PTPRD: variants seen among roughly 807,000 people sequenced by gnomAD.
PTPRD encodes protein tyrosine phosphatase receptor type D.
PTPRD carries 34 observed loss-of-function variants against 214.5 expected under a neutral mutation model. The observed-to-expected ratio is 0.16, with a 90% confidence interval of 0.12 to 0.21. PTPRD has a LOEUF of 0.21. PTPRD is among the 10% of genes least tolerant of loss of function. The pLI is 1.00. For synonymous variants in PTPRD, 1,128 were observed against 845.7 expected (o/e 1.33, Z -5.79); for missense variants, 2,545 against 2,398.7 (o/e 1.06, Z -1.27).
At chr9:10,226,880 T>C (rs2099590632) in intron 3 of PTPRD, among the ~76,000 whole-genome samples, 2 of 152,026 alleles carry the variant, frequency 1.3e-5, no homozygotes, top group Non-Finnish European at 1.5e-5. Flanking sequence ...TAATGGAAAA[T>C]GTTTTATAAT....
chr9:9,077,530 CT>C (rs2154417424), intron 10 of PTPRD, among the ~76,000 whole-genome samples: 1 of 152,146 alleles, frequency 6.6e-6, no homozygotes, highest in South Asian at 2.1e-4. Flanking sequence ...ATGCCAGAAT[CT>C]ATTACTCCTT....
At chr9:8,349,714 A>C (rs775502363) in intron 39 of PTPRD, among the ~76,000 whole-genome samples, 3 of 152,186 alleles carry the variant, frequency 2.0e-5, no homozygotes, top group Admixed American at 6.5e-5. Context: ...GGCCAGCACA[A>C]TTTAGTACAT....
intron 9 of PTPRD, among the ~76,000 whole-genome samples, chr9:9,334,140 G>A (rs369247791): frequency 2.2e-4 from 34 of 151,982 alleles, no homozygotes; most frequent in South Asian, 1.9e-3. Context: ...CATAGATCTC[G>A]TCATCAATTT....
At chr9:10,411,647 G>T (rs765785276) in intron 2 of PTPRD, among the ~76,000 whole-genome samples, 35 of 151,688 alleles carry the variant, frequency 2.3e-4, no homozygotes, top group Non-Finnish European at 3.7e-4. Context: ...TAAACAAATT[G>T]CTGTAGTCAT....
At chr9:8,972,812 C>A (rs1407002863) in intron 11 of PTPRD, among the ~76,000 whole-genome samples, 1 of 151,864 alleles carries the variant, frequency 6.6e-6, no homozygotes, top group African/African-American at 2.4e-5. Flanking sequence ...CCAAGGTTTG[C>A]AAGCTGTCCT....
chr9:10,401,057 T>G (rs778897062), intron 2 of PTPRD, among the ~76,000 whole-genome samples: 2 of 151,710 alleles, frequency 1.3e-5, no homozygotes, highest in African/African-American at 2.4e-5. Flanking sequence ...GATGTTTAAC[T>G]AGATATTAAA....
intron 35 of PTPRD, among the ~76,000 whole-genome samples, chr9:8,406,053 T>C (rs986749840): frequency 2.0e-5 from 3 of 152,160 alleles, no homozygotes; most frequent in African/African-American, 7.2e-5. Context: ...TTTCCTTTCT[T>C]AGCCTGTGTT....
At chr9:9,953,196 A>G (rs1486199700) in intron 4 of PTPRD, among the ~76,000 whole-genome samples, 1 of 152,154 alleles carries the variant, frequency 6.6e-6, no homozygotes, top group African/African-American at 2.4e-5. Flanking sequence ...TGTGGTTAAC[A>G]TTATCCTGGA....
rs920642907 is a variant in PTPRD, at chr9:9,344,565, G to A, written c.-203+52884C>T. Among the ~76,000 whole-genome samples, 139 of 152,028 alleles carry A rather than the reference G, an allele frequency of 9.1e-4. 1 individual carries two copies. Among genetic ancestry groups the A allele is most frequent in the Middle Eastern group, 3.4e-3 (1 of 294 alleles). ...GAATAAAGTATATATATATGCATTT[G>A]TGATACTTGTGTTCAGCCTGTATTC... On this transcript the variant is annotated intron_variant, in intron 9 of 45. Transcript: ENST00000381196.
At chr9:10,220,207 A>G (rs1442245217) in intron 3 of PTPRD, among the ~76,000 whole-genome samples, 1 of 151,904 alleles carries the variant, frequency 6.6e-6, no homozygotes, top group Admixed American at 6.6e-5. Context: ...AGTATAACAC[A>G]AAAGAATATT....
At chr9:10,104,012 C>A (rs2098598303) in intron 3 of PTPRD, among the ~76,000 whole-genome samples, 1 of 151,612 alleles carries the variant, frequency 6.6e-6, no homozygotes, top group African/African-American at 2.4e-5. Flanking sequence ...CTGACACATA[C>A]CACCATGTGT....
intron 2 of PTPRD, among the ~76,000 whole-genome samples, chr9:10,553,806 C>T (rs1182014676): frequency 2.0e-5 from 3 of 152,152 alleles, no homozygotes; most frequent in African/African-American, 7.2e-5. Context: ...TCCAGTTACA[C>T]AAATTAGTCA....
At chr9:9,315,423 A>G (rs1449427050) in intron 9 of PTPRD, among the ~76,000 whole-genome samples, 1 of 151,990 alleles carries the variant, frequency 6.6e-6, no homozygotes, top group Non-Finnish European at 1.5e-5. Flanking sequence ...CTTATCTAGG[A>G]TAATTAGGTT....
chr9:9,971,428 T>C (rs933080021), intron 4 of PTPRD, among the ~76,000 whole-genome samples: 3 of 152,154 alleles, frequency 2.0e-5, no homozygotes, highest in Admixed American at 6.5e-5. Flanking sequence ...TTATTTTAAT[T>C]TTATATTAAA....
At chr9:10,316,128 TAC>T (rs1356733968) in intron 3 of PTPRD, among the ~76,000 whole-genome samples, 5 of 144,134 alleles carry the variant, frequency 3.5e-5, no homozygotes, top group Non-Finnish European at 6.0e-5. Context: ...TATATATATA[TAC>T]ATATATACAC....
At chr9:9,103,274 T>C (rs1020943901) in intron 10 of PTPRD, among the ~76,000 whole-genome samples, 1 of 152,168 alleles carries the variant, frequency 6.6e-6, no homozygotes, top group Non-Finnish European at 1.5e-5. Context: ...AGTCACCTAA[T>C]GTCATTAGGA....
intron 2 of PTPRD, among the ~76,000 whole-genome samples, chr9:10,393,687 T>C (rs2098115408): frequency 6.8e-6 from 1 of 146,912 alleles, no homozygotes; most frequent in African/African-American, 2.5e-5. Context: ...TGGGTCTTGC[T>C]ATATATATAT....
intron 21 of PTPRD, among the ~76,000 whole-genome samples, chr9:8,507,940 C>A (rs924618408): frequency 2.6e-5 from 4 of 152,096 alleles, no homozygotes; most frequent in African/African-American, 9.7e-5. Context: ...CAAACAGAAT[C>A]ACTCAGCATT....
At chr9:8,648,782 G>A (rs1402647982) in intron 12 of PTPRD, among the ~76,000 whole-genome samples, 1 of 152,132 alleles carries the variant, frequency 6.6e-6, no homozygotes, top group African/African-American at 2.4e-5. Flanking sequence ...ACATACTCAG[G>A]AAGCCATTTA....
Sources: gnomAD v4.1 joint callset for allele counts (sites outside exome capture counted in the v4.1 genomes callset) on GRCh38, gnomAD v4.1.1 for gene constraint, MANE v1.5 for transcripts, NCBI Gene and HGNC (gene_info 2026-07-23, HGNC 2026-07-21) for gene names.